The following KCNB2 variants were observed in gnomAD, a reference collection of about 807,000 sequenced individuals.
The protein encoded by KCNB2 is delayed rectifier potassium channel protein.
A neutral mutation model predicts 61.5 loss-of-function variants in KCNB2; 15 were observed. That is an observed-to-expected ratio of 0.24 (90% CI 0.16 to 0.38). The LOEUF (loss-of-function observed/expected upper bound fraction) is 0.38. KCNB2 is among the 10% of genes least tolerant of loss of function. The pLI is 1.00. For synonymous variants in KCNB2, 457 were observed against 446.0 expected, an observed-to-expected ratio of 1.02 and a Z score of -0.31; for missense variants, 828 against 1,125.2, an observed-to-expected ratio of 0.74 and a Z score of 3.78.
intron 2 of KCNB2, among the ~76,000 whole-genome samples, chr8:72,801,242 T>A (rs1295454620): frequency 6.6e-6 from 1 of 152,222 alleles, no homozygotes; most frequent in Non-Finnish European, 1.5e-5. Flanking sequence ...TATACCCATT[T>A]TTGTAGATGC....
intron 2 of KCNB2, among the ~76,000 whole-genome samples, chr8:72,689,131 T>G: frequency 6.6e-6 from 1 of 152,058 alleles, no homozygotes; most frequent in East Asian, 1.9e-4. Flanking sequence ...TAAATGGAGA[T>G]AGAGAGAGAG....
intron 1 of KCNB2, among the ~76,000 whole-genome samples, chr8:72,563,964 CA>C (rs1213894007): frequency 6.6e-6 from 1 of 152,154 alleles, no homozygotes; most frequent in African/African-American, 2.4e-5. Flanking sequence ...ATCAAATCAA[CA>C]GGGAATTTTC....
intron 2 of KCNB2, among the ~76,000 whole-genome samples, chr8:72,781,370 T>G (rs534282588): frequency 6.6e-6 from 1 of 152,272 alleles, no homozygotes; most frequent in Admixed American, 6.5e-5. Context: ...AGTCTTTAAT[T>G]TATCTTGAGT....
At chr8:72,850,402 G>A (rs1810080180) in intron 2 of KCNB2, among the ~76,000 whole-genome samples, 1 of 152,146 alleles carries the variant, frequency 6.6e-6, no homozygotes, top group African/African-American at 2.4e-5. Context: ...TGTATTTTTT[G>A]TAGAGATGGG....
chr8:72,680,375 C>T (rs1806731692), intron 2 of KCNB2, among the ~76,000 whole-genome samples: 1 of 152,200 alleles, frequency 6.6e-6, no homozygotes, highest in Non-Finnish European at 1.5e-5. Flanking sequence ...TACCTTCTCA[C>T]TTGGCCCTAA....
intron 2 of KCNB2, among the ~76,000 whole-genome samples, chr8:72,656,418 T>C (rs1806292597): frequency 6.6e-6 from 1 of 152,154 alleles, no homozygotes; most frequent in African/African-American, 2.4e-5. Flanking sequence ...CTATGGCTTA[T>C]GCAATGCTGA....
intron 2 of KCNB2, among the ~76,000 whole-genome samples, chr8:72,908,214 T>C (rs1806213417): frequency 6.6e-6 from 1 of 152,202 alleles, no homozygotes; most frequent in Non-Finnish European, 1.5e-5. Flanking sequence ...CATTTTATAC[T>C]TAATTTAACT....
chr8:72,610,214 A>T (rs1805516397), intron 2 of KCNB2, among the ~76,000 whole-genome samples: 1 of 152,192 alleles, frequency 6.6e-6, no homozygotes, highest in Non-Finnish European at 1.5e-5. Flanking sequence ...TCTCTTGAAG[A>T]GTAGATGTTG....
At chr8:72,727,217 C>A (rs938269665) in intron 2 of KCNB2, among the ~76,000 whole-genome samples, 1 of 151,868 alleles carries the variant, frequency 6.6e-6, no homozygotes, top group Non-Finnish European at 1.5e-5. Context: ...TTTATACGTC[C>A]CCCCCAGACC....
At chr8:72,653,181 A>T (rs566020546) in intron 2 of KCNB2, among the ~76,000 whole-genome samples, 1 of 152,186 alleles carries the variant, frequency 6.6e-6, no homozygotes, top group Non-Finnish European at 1.5e-5. Context: ...AATTTCATCC[A>T]TAAAGATTCT....
At chr8:72,919,865 C>T (rs1176711835) in intron 2 of KCNB2, among the ~76,000 whole-genome samples, 1 of 152,040 alleles carries the variant, frequency 6.6e-6, no homozygotes, top group South Asian at 2.1e-4. Context: ...TTATTGCAGA[C>T]ATATGTCTTC....
At chr8:72,619,630 A>G (rs977242962) in intron 2 of KCNB2, among the ~76,000 whole-genome samples, 7 of 152,104 alleles carry the variant, frequency 4.6e-5, no homozygotes, top group African/African-American at 1.7e-4. Flanking sequence ...TCCTCAAGGA[A>G]GAAGTGCCCT....
At chr8:72,811,601 C>A (rs1809306848) in intron 2 of KCNB2, among the ~76,000 whole-genome samples, 1 of 152,118 alleles carries the variant, frequency 6.6e-6, no homozygotes, top group South Asian at 2.1e-4. Context: ...TGTTTTTATG[C>A]ATTTCTGCTG....
chr8:72,753,892 G>A, intron 2 of KCNB2, among the ~76,000 whole-genome samples: 1 of 152,144 alleles, frequency 6.6e-6, no homozygotes, highest in African/African-American at 2.4e-5. Flanking sequence ...TAAGCAATAT[G>A]TTCTTGGTGA....
chr8:72,821,659 A>AAACAAC (rs1554535735), intron 2 of KCNB2, among the ~76,000 whole-genome samples: 6 of 117,000 alleles, frequency 5.1e-5, no homozygotes, highest in Non-Finnish European at 1.0e-4. Flanking sequence ...AAAAAAAAAA[A>AAACAAC]ACACACACAC....
chr8:72,753,864 A>G (rs1808242575), intron 2 of KCNB2, among the ~76,000 whole-genome samples: 1 of 152,224 alleles, frequency 6.6e-6, no homozygotes, highest in African/African-American at 2.4e-5. Flanking sequence ...CTCTCTAGTC[A>G]TCCAACAGAA....
At chr8:72,735,975 A>G (rs1807836903) in intron 2 of KCNB2, among the ~76,000 whole-genome samples, 1 of 152,156 alleles carries the variant, frequency 6.6e-6, no homozygotes, top group Admixed American at 6.6e-5. Flanking sequence ...CTTAGAGAAT[A>G]CGGTATGGAA....
intron 2 of KCNB2, among the ~76,000 whole-genome samples, chr8:72,831,893 C>T (rs539233603): frequency 1.3e-5 from 2 of 152,300 alleles, no homozygotes; most frequent in African/African-American, 4.8e-5. Context: ...AGCCAAAAGG[C>T]TAAGAAGCAA....
intron 2 of KCNB2, among the ~76,000 whole-genome samples, chr8:72,839,599 C>CTTTTTTTTTTTTTTT (rs10561095): frequency 1.1e-5 from 1 of 87,658 alleles, no homozygotes; most frequent in African/African-American, 4.9e-5. Context: ...TGAAAGGCTT[C>CTTTTTTTTTTTTTTT]TTTTTTTTTT....
Sources: gnomAD v4.1 joint callset for allele counts (sites outside exome capture counted in the v4.1 genomes callset) on GRCh38, gnomAD v4.1.1 for gene constraint, MANE v1.5 for transcripts, NCBI Gene and HGNC (gene_info 2026-07-23, HGNC 2026-07-21) for gene names.